RAI1: variants seen among roughly 807,000 people sequenced by gnomAD.
The protein encoded by RAI1 is retinoic acid-induced protein 1.
A neutral mutation model predicts 123.8 loss-of-function variants in RAI1; 9 were observed. The observed-to-expected ratio is 0.07, with a 90% confidence interval of 0.04 to 0.13. The LOEUF (loss-of-function observed/expected upper bound fraction) is 0.13, where lower values mean the gene tolerates loss of function less well. RAI1 is among the 10% of genes least tolerant of loss of function. The probability of loss-of-function intolerance (pLI) is 1.00; values close to 1 mark genes in which losing one functional copy is unlikely to be tolerated. For missense variants in RAI1, 2,256 were observed against 2,545.8 expected (o/e 0.89, Z 2.45); for synonymous variants, 1,231 against 1,127.3 (o/e 1.09, Z -1.84).
At chr17:17,734,957 C>A (rs995813094) in intron 2 of RAI1, among the ~76,000 whole-genome samples, 1 of 152,212 alleles carries the variant, frequency 6.6e-6, no homozygotes, top group African/African-American at 2.4e-5. Flanking sequence ...TGTTTGAAAT[C>A]TCAACAGGAC....
At position 17,794,075 on chromosome 17, in the gene RAI1, C is replaced by T. The variant is rs372442725; in HGVS notation, c.1127C>T (p.Pro376Leu). Residue 376 changes from proline to leucine, a missense_variant, in exon 3 of 6, where the codon CCG becomes CTG. By Grantham distance (98) the Pro-to-Leu change is moderately conservative. Around this residue, in one of 7 missense-constraint regions of RAI1, gnomAD observed 357 missense variants for 480.2 expected, o/e 0.74. Transcript: ENST00000353383. ...GAGAACTTTCCCTACAGCCAGCAGC[C>T]GCTCAGCACCGGGGCCTTCCCCGCA... The part of the protein sequence containing the change: ...NLENFPYSQQ[P>L]LSTGAFPAGI... 17 of 1,614,044 alleles carry T rather than the reference C, an allele frequency of 1.1e-5. No homozygotes were observed. The highest frequency in any genetic ancestry group is 1.7e-5 in the Admixed American group (1 of 60,032).
chr17:17,770,319 A>C (rs1382362597), intron 2 of RAI1, among the ~76,000 whole-genome samples: 7 of 152,166 alleles, frequency 4.6e-5, no homozygotes, highest in African/African-American at 1.7e-4. Context: ...GCCCCGAAAA[A>C]AAAACATAAA....
chr17:17,711,605 C>G (rs1184963148), intron 1 of RAI1, among the ~76,000 whole-genome samples: 1 of 152,182 alleles, frequency 6.6e-6, no homozygotes, highest in Non-Finnish European at 1.5e-5. Flanking sequence ...CTCAACAGGT[C>G]TTGGTACAAG....
intron 1 of RAI1, among the ~76,000 whole-genome samples, chr17:17,694,763 A>G (rs1914958475): frequency 1.3e-5 from 2 of 149,400 alleles, no homozygotes; most frequent in Non-Finnish European, 3.0e-5. Context: ...GCGGGGGGCG[A>G]GGCGGGGCGG....
intron 2 of RAI1, among the ~76,000 whole-genome samples, chr17:17,741,683 G>A (rs367867006): frequency 1.3e-5 from 2 of 152,202 alleles, no homozygotes; most frequent in African/African-American, 4.8e-5. Flanking sequence ...CTTAGCAGAG[G>A]CCACAGGCAG....
chr17:17,770,401 A>G (rs1324431328), intron 2 of RAI1, among the ~76,000 whole-genome samples: 1 of 152,158 alleles, frequency 6.6e-6, no homozygotes, highest in African/African-American at 2.4e-5. Context: ...CAGCCTGGGT[A>G]AGAGATGCTG....
chr17:17,780,002 C>T (rs763471595), intron 2 of RAI1, among the ~76,000 whole-genome samples: 10 of 150,858 alleles, frequency 6.6e-5, no homozygotes, highest in Non-Finnish European at 1.5e-4. Context: ...GTCTCGATCT[C>T]CTGACCTCAT....
chr17:17,784,640 G>C (rs1363669764), intron 2 of RAI1, among the ~76,000 whole-genome samples: 1 of 152,192 alleles, frequency 6.6e-6, no homozygotes, highest in African/African-American at 2.4e-5. Context: ...GCAGCACCAC[G>C]TAGAAGCAAG....
chr17:17,719,615 AT>A (rs1469880984), intron 1 of RAI1, among the ~76,000 whole-genome samples: 4 of 152,004 alleles, frequency 2.6e-5, no homozygotes, highest in African/African-American at 9.7e-5. Flanking sequence ...ATACTACATC[AT>A]TTACTTATTC....
chr17:17,773,637 T>C (rs2031243504), intron 2 of RAI1, among the ~76,000 whole-genome samples: 1 of 152,028 alleles, frequency 6.6e-6, no homozygotes, highest in Admixed American at 6.5e-5. Context: ...AGAGAAAAAA[T>C]GCAATGTGAC....
intron 2 of RAI1, among the ~76,000 whole-genome samples, chr17:17,788,236 G>T (rs1408368684): frequency 6.6e-6 from 1 of 152,076 alleles, no homozygotes; most frequent in Non-Finnish European, 1.5e-5. Flanking sequence ...GTCCTAGGAG[G>T]GTCCTCCATC....
At chr17:17,792,178 C>T (rs576592334) in intron 2 of RAI1, among the ~76,000 whole-genome samples, 61 of 152,322 alleles carry the variant, frequency 4.0e-4, no homozygotes, top group African/African-American at 1.4e-3. Flanking sequence ...CAGGTGCTGC[C>T]GTCTTGCGTT....
At chr17:17,713,652 TA>T (rs1915630295) in intron 1 of RAI1, among the ~76,000 whole-genome samples, 1 of 151,714 alleles carries the variant, frequency 6.6e-6, no homozygotes, top group African/African-American at 2.4e-5. Flanking sequence ...AAAAAATAAA[TA>T]AATAATAAAA....
intron 2 of RAI1, among the ~76,000 whole-genome samples, chr17:17,780,954 C>T (rs2031554592): frequency 6.6e-6 from 1 of 152,188 alleles, no homozygotes; most frequent in Non-Finnish European, 1.5e-5. Context: ...TCAGCGCTGT[C>T]TTTAATCTGT....
chr17:17,782,358 G>A (rs917954087), intron 2 of RAI1: 9 of 152,096 alleles, frequency 5.9e-5, no homozygotes, highest in Admixed American at 5.2e-4. Context: ...TTCGGTGCCA[G>A]AGGACTCCAG....
intron 2 of RAI1, among the ~76,000 whole-genome samples, chr17:17,757,381 G>C (rs2030480133): frequency 6.6e-6 from 1 of 152,186 alleles, no homozygotes; most frequent in South Asian, 2.1e-4. Flanking sequence ...GGCAGGATGT[G>C]AGCACAGAGA....
In RAI1 at chr17:17,795,262, G is replaced by C. The variant is rs931264608; in HGVS notation, c.2314G>C (p.Gly772Arg). The C allele has an allele frequency of 6.2e-7, 1 of 1,613,806 alleles. No homozygotes were observed. Among genetic ancestry groups the C allele is most frequent in the African/African-American group, 1.3e-5 (1 of 74,894 alleles). The change falls in exon 3 of 6, where the codon GGT becomes CGT. Residue 772 changes from glycine (G) to arginine (R), a missense_variant. By Grantham distance (125) the Gly-to-Arg change is moderately radical (BLOSUM62 -2). Coordinates refer to ENST00000353383, the MANE Select transcript of RAI1 (RefSeq NM_030665.4). This position sits in a 1 kb window ranked among gnomAD's most constrained non-coding sequence, Gnocchi z 5.9. The part of the protein sequence containing the change: ...PGELTKGLEQ[G>R]GKASDGISKG... ...CGAGCTTACCAAGGGCCTGGAGCAGGGTGGGAAGGCCTCAGATGGCATCAG... is the reference window on the plus strand; with the variant it reads ...CGAGCTTACCAAGGGCCTGGAGCAGCGTGGGAAGGCCTCAGATGGCATCAG...
Position 17,769,347 on chromosome 17 carries a change from C to T in RAI1, c.-16-23586C>T, listed in dbSNP as rs569971109. Reference sequence around the variant, plus strand: ...CAAGGTGAGGCTGTGCCTTTTAAGCCTTCTGCGCAGGCCTCCTTGGGACAG... The same window carrying T: ...CAAGGTGAGGCTGTGCCTTTTAAGCTTTCTGCGCAGGCCTCCTTGGGACAG... On this transcript the variant is annotated intron_variant, in intron 2 of 5. Transcript: ENST00000353383. Among the ~76,000 whole-genome samples, 91 of 152,338 alleles carry T rather than the reference C, an allele frequency of 6.0e-4. 2 individuals are homozygous for T. The highest frequency in any genetic ancestry group is 3.9e-3 in the South Asian group (19 of 4,830).
chr17:17,774,664 C>T (rs2031275500), intron 2 of RAI1, among the ~76,000 whole-genome samples: 1 of 152,286 alleles, frequency 6.6e-6, no homozygotes, highest in Admixed American at 6.5e-5. Flanking sequence ...CGCACCTCCA[C>T]AGCCAGCAAG....
Sources: gnomAD v4.1 joint callset for allele counts (sites outside exome capture counted in the v4.1 genomes callset) on GRCh38, gnomAD v4.1.1 for gene constraint, gnomAD v4.1.1 regional missense constraint, Gnocchi (gnomAD v3.1) non-coding constraint, MANE v1.5 for transcripts, NCBI Gene and HGNC (gene_info 2026-07-23, HGNC 2026-07-21) for gene names.